Variants in PCDHGA5 observed in about 807,000 individuals in gnomAD.
PCDHGA5 encodes protocadherin gamma subfamily A, 5, also known as protocadherin gamma-A5.
A neutral mutation model predicts 56.7 loss-of-function variants in PCDHGA5; 36 were observed. The observed-to-expected ratio is 0.64, with a 90% CI of 0.49 to 0.84. The LOEUF is 0.84. Among genes scored for constraint, PCDHGA5 ranks in the 40% least tolerant of loss-of-function variants. PCDHGA5 has a pLI of 0.00. For synonymous variants in PCDHGA5, 563 were observed against 520.2 expected, an observed-to-expected ratio of 1.08 and a Z score of -1.12; for missense variants, 1,305 against 1,201.5, an observed-to-expected ratio of 1.09 and a Z score of -1.27.
At chr5:141,441,797 G>T in intron 1 of PCDHGA5, 1 of 386,536 alleles carries the variant, frequency 2.6e-6, no homozygotes, top group Non-Finnish European at 5.2e-6. Context: ...ACAACGCACC[G>T]CGGGTGCTGT....
chr5:141,413,910 C>T, intron 1 of PCDHGA5: 1 of 1,613,376 alleles, frequency 6.2e-7, no homozygotes, highest in Non-Finnish European at 8.5e-7. Flanking sequence ...ACGCGCCGGT[C>T]TTCACCTTGC....
chr5:141,404,676 T>G lies in PCDHGA5; in HGVS notation c.2421+37925T>G, dbSNP rs904942152. The stretch of plus-strand genomic sequence containing the variant: ...CTCCCCACTGATGGTTCTACTGGTG[T>G]GGAGCTGGCACCCCGCTCTGCAGAG... On this transcript the variant is annotated intron_variant, in intron 1 of 3. Transcript: ENST00000518069. 3.1e-6 allele frequency: 5 copies of G among 1,614,010 alleles called. No individual in the cohort carries two copies. In the African/African-American group the frequency reaches 6.7e-5, roughly 22 times the overall value.
At chr5:141,389,311 A>C in intron 1 of PCDHGA5, 2 of 1,613,988 alleles carry the variant, frequency 1.2e-6, no homozygotes, top group Non-Finnish European at 1.7e-6. Context: ...AGGGCTTCTG[A>C]TCCGGACTTG....
chr5:141,481,895 A>G (rs1285005477), intron 1 of PCDHGA5, among the ~76,000 whole-genome samples: 2 of 147,522 alleles, frequency 1.4e-5, no homozygotes, highest in Non-Finnish European at 3.0e-5. Context: ...GCCTGGGTGA[A>G]AGAGCGAAAC....
rs1454432396 is a variant in PCDHGA5 at position 141,388,086 on chromosome 5, G to T, written c.2421+21335G>T. 2.9e-6 allele frequency: 4 copies of T among 1,368,264 alleles called. No individual in the cohort carries two copies. Among genetic ancestry groups the T allele is most frequent in the Admixed American group, 2.0e-5 (1 of 48,944 alleles). The allele number at this position is 1,368,264 out of a possible 1,614,324, so 84.8% of individuals were successfully genotyped here. On this transcript the variant is annotated intron_variant, in intron 1 of 3. Coordinates refer to ENST00000518069, the MANE Select transcript of PCDHGA5 (RefSeq NM_018918.3). ...GGAGTTACCGACTCGAAAACTGCGCGTCAGTTCGGAGAAGCCTTACTTCAC... is the reference window on the plus strand; with the variant it reads ...GGAGTTACCGACTCGAAAACTGCGCTTCAGTTCGGAGAAGCCTTACTTCAC...
At chr5:141,508,193 C>T (rs1426786164) in intron 3 of PCDHGA5, 1 of 152,326 alleles carries the variant, frequency 6.6e-6, no homozygotes, top group Non-Finnish European at 1.5e-5. Flanking sequence ...ATCACCCCCA[C>T]CTCGTCCAGG....
intron 1 of PCDHGA5, among the ~76,000 whole-genome samples, chr5:141,449,041 C>T (rs998143732): frequency 3.3e-5 from 5 of 152,126 alleles, no homozygotes; most frequent in Admixed American, 3.3e-4. Flanking sequence ...GATTATTAAC[C>T]AGTCTCATAA....
Position 141,490,012 on chromosome 5 carries a change from G to A in PCDHGA5, c.2422-4795G>A. 1 of 1,614,232 alleles carries A rather than the reference G, an allele frequency of 6.2e-7. No homozygotes were observed. Among genetic ancestry groups the A allele is most frequent in the Non-Finnish European group, 8.5e-7 (1 of 1,180,044 alleles). ...GGGAATCCCAGAGAATGCACCCATT[G>A]GTACTCTGCTGCTCCGCCTCAATGC... is the stretch of plus-strand genomic sequence containing the variant. On this transcript the variant is annotated intron_variant, in intron 1 of 3. Transcript: ENST00000518069. This position sits in a 1 kb window ranked among gnomAD's most constrained non-coding sequence, Gnocchi z 5.4.
intron 1 of PCDHGA5, chr5:141,399,197 T>G: frequency 6.2e-7 from 1 of 1,613,926 alleles, no homozygotes; most frequent in Non-Finnish European, 8.5e-7. Context: ...GAAAACGCGG[T>G]GCCTGGAACA....
chr5:141,457,054 T>C (rs1410535170), intron 1 of PCDHGA5, among the ~76,000 whole-genome samples: 1 of 152,242 alleles, frequency 6.6e-6, no homozygotes, highest in Non-Finnish European at 1.5e-5. Context: ...ACTTTCATGC[T>C]TCCTTTTTGC....
At chr5:141,464,411 A>G (rs1029342220) in intron 1 of PCDHGA5, among the ~76,000 whole-genome samples, 3 of 151,624 alleles carry the variant, frequency 2.0e-5, no homozygotes, top group Admixed American at 6.6e-5. Flanking sequence ...AGATATATAT[A>G]TATCTATATA....
At chr5:141,420,391 G>C in intron 1 of PCDHGA5, 1 of 1,270,636 alleles carries the variant, frequency 7.9e-7, no homozygotes, top group Non-Finnish European at 1.0e-6. Flanking sequence ...GCAAAATATA[G>C]GTCAAATTTA....
At chr5:141,474,881 C>A (rs2099356099) in intron 1 of PCDHGA5, among the ~76,000 whole-genome samples, 1 of 152,244 alleles carries the variant, frequency 6.6e-6, no homozygotes, top group South Asian at 2.1e-4. Context: ...AGCAGGAACT[C>A]TTAGAGGTTC....
At chr5:141,478,305 C>G in intron 1 of PCDHGA5, 1 of 1,614,092 alleles carries the variant, frequency 6.2e-7, no homozygotes, top group Non-Finnish European at 8.5e-7. Context: ...TACCGAGCCC[C>G]GGTGAGCTCA....
intron 1 of PCDHGA5, chr5:141,372,409 A>C: frequency 6.2e-7 from 1 of 1,614,038 alleles, no homozygotes; most frequent in South Asian, 1.1e-5. Flanking sequence ...CAAGAGATAC[A>C]ACCTGACCTT....
In PCDHGA5 at chr5:141,393,531, C is replaced by T. The variant is rs997965420; in HGVS notation, c.2421+26780C>T. On this transcript the variant is annotated intron_variant, in intron 1 of 3. Transcript: ENST00000518069. ...AGTGTTGGATACAAATGACAATGCC[C>T]CGGTTTTTCCTCACCCGATTTACCG... 4 of 1,613,890 alleles carry T rather than the reference C, an allele frequency of 2.5e-6. No individual in the cohort carries two copies. Among genetic ancestry groups the T allele is most frequent in the African/African-American group, 2.7e-5 (2 of 74,946 alleles).
Position 141,364,904 on chromosome 5 carries a change from C to A in PCDHGA5, c.574C>A (p.Pro192Thr), listed in dbSNP as rs748515825. Residue 192 changes from proline (P) to threonine (T), a missense_variant, in exon 1 of 4, where the codon CCG becomes ACG. Coordinates refer to ENST00000518069, the MANE Select transcript of PCDHGA5 (RefSeq NM_018918.3). ...VVSGTDGQKY[P>T]ELVLEQPLDR... Reference sequence around the variant, plus strand: ...AAGCGGAACTGATGGACAAAAGTATCCGGAGCTGGTGTTGGAACAGCCCCT... The same window carrying A: ...AAGCGGAACTGATGGACAAAAGTATACGGAGCTGGTGTTGGAACAGCCCCT... The A allele has an allele frequency of 6.2e-7, 1 of 1,613,994 alleles. No homozygotes were observed. Among genetic ancestry groups the A allele is most frequent in the South Asian group, 1.1e-5 (1 of 91,084 alleles).
chr5:141,428,227 A>T (rs2154552643), intron 1 of PCDHGA5: 1 of 1,100,784 alleles, frequency 9.1e-7, no homozygotes, highest in Admixed American at 1.9e-5. Context: ...CTTCGCAGAC[A>T]GCCTGCAGGA....
At chr5:141,404,950 C>T (rs2094588760) in intron 1 of PCDHGA5, 2 of 1,613,968 alleles carry the variant, frequency 1.2e-6, no homozygotes, top group East Asian at 4.5e-5. Flanking sequence ...CCATAGCTGA[C>T]AGCATCCCAG....
Sources: allele counts gnomAD v4.1 joint callset (sites outside exome capture counted in the v4.1 genomes callset), GRCh38; gene constraint gnomAD v4.1.1; non-coding constraint Gnocchi (gnomAD v3.1); transcripts MANE v1.5; gene names NCBI Gene and HGNC (gene_info 2026-07-23, HGNC 2026-07-21).